Variants in PLEKHA5 observed in about 807,000 individuals in gnomAD.
PLEKHA5 encodes pleckstrin homology domain containing A5, also known as pleckstrin homology domain-containing family A member 5.
Under a neutral mutation model 181.9 loss-of-function variants are expected in PLEKHA5, and 55 were observed. The ratio of observed to expected loss-of-function variants is 0.30; its 90% CI spans 0.24 to 0.38. The LOEUF is 0.38. Ranked by LOEUF, PLEKHA5 falls within the 10% of genes least tolerant of loss-of-function variation. The pLI is 1.00. For synonymous variants in PLEKHA5, 535 were observed against 529.4 expected (o/e 1.01, Z -0.15); for missense variants, 1,432 against 1,549.5 (o/e 0.92, Z 1.27).
At chr12:19,306,674 G>C in intron 15 of PLEKHA5, 3 of 1,471,938 alleles carry the variant, frequency 2.0e-6, no homozygotes, top group Non-Finnish European at 1.9e-6. Context: ...CCGGGCGCTA[G>C]CTCTGAGCAG....
At chr12:19,372,752 CCTTTTTTCTTTTTT>C (rs1023643089) in intron 31 of PLEKHA5, 10 of 151,548 alleles carry the variant, frequency 6.6e-5, no homozygotes, top group African/African-American at 2.2e-4. Flanking sequence ...TGTGTTTAAG[CCTTTTTTCTTTTTT>C]CTTTTTTCTT....
chr12:19,330,074 C>G (rs1261758351), intron 20 of PLEKHA5, among the ~76,000 whole-genome samples: 1 of 152,024 alleles, frequency 6.6e-6, no homozygotes, highest in East Asian at 1.9e-4. Context: ...AAAGAAAATC[C>G]ACAAAAAAGC....
intron 3 of PLEKHA5, chr12:19,152,689 AACATTT>A (rs2040715695): frequency 6.6e-6 from 1 of 152,234 alleles, no homozygotes. Flanking sequence ...AAATGAATAT[AACATTT>A]GTCAGACATA....
intron 16 of PLEKHA5, 31 bp downstream of exon 16, chr12:19,314,925 T>G: frequency 5.4e-6 from 6 of 1,107,752 alleles, no homozygotes; most frequent in East Asian, 2.6e-5. Flanking sequence ...TGATACTGCT[T>G]TATCATCTGC....
At chr12:19,344,801 A>G (rs569540511) in intron 22 of PLEKHA5, among the ~76,000 whole-genome samples, 1 of 152,268 alleles carries the variant, frequency 6.6e-6, no homozygotes, top group African/African-American at 2.4e-5. Flanking sequence ...TAGAAACTGA[A>G]GACTTCATTT....
chr12:19,227,451 T>C (rs2059861285), intron 3 of PLEKHA5, among the ~76,000 whole-genome samples: 1 of 152,238 alleles, frequency 6.6e-6, no homozygotes, highest in African/African-American at 2.4e-5. Flanking sequence ...TAGTTTATTC[T>C]TTCAAGTAAA....
intron 3 of PLEKHA5, among the ~76,000 whole-genome samples, chr12:19,136,943 C>G (rs1199340744): frequency 6.6e-6 from 1 of 151,606 alleles, no homozygotes; most frequent in Non-Finnish European, 1.5e-5. Flanking sequence ...CAGATTTTCA[C>G]AATTCAAAAT....
At chr12:19,171,641 G>A (rs1282306745) in intron 3 of PLEKHA5, among the ~76,000 whole-genome samples, 2 of 152,132 alleles carry the variant, frequency 1.3e-5, no homozygotes, top group Non-Finnish European at 1.5e-5. Flanking sequence ...TTACAGGCAT[G>A]AGCCACCATG....
In PLEKHA5 at chr12:19,361,664, A is replaced by C. The variant is rs778947305; in HGVS notation, c.3566A>C (p.Lys1189Thr). 5 of 1,595,112 alleles carry C rather than the reference A, an allele frequency of 3.1e-6. No homozygotes were observed. The highest frequency in any genetic ancestry group is 2.2e-5 in the East Asian group (1 of 44,730). ...NGVNSVEMMD[K>T]ERNKDKMPED... ...GTAAATTCTGTGGAAATGATGGATA[A>C]AGAAAGAAACAAAGACAAAATGCCT... Residue 1189 changes from lysine (K) to threonine (T), a missense_variant, in exon 29 of 32, where the codon AAA (lysine) becomes ACA (threonine). By Grantham distance (78) the Lys-to-Thr change is moderately conservative (BLOSUM62 -1). Coordinates refer to ENST00000429027, the MANE Select transcript of PLEKHA5 (RefSeq NM_001256470.2).
intron 20 of PLEKHA5, among the ~76,000 whole-genome samples, chr12:19,333,811 A>G (rs547779744): frequency 4.6e-5 from 7 of 151,768 alleles, no homozygotes; most frequent in South Asian, 4.2e-4. Flanking sequence ...GGGTTTCACT[A>G]TGTTGACCAG....
intron 3 of PLEKHA5, among the ~76,000 whole-genome samples, chr12:19,211,777 A>G (rs1179952599): frequency 6.6e-6 from 1 of 152,198 alleles, no homozygotes; most frequent in Non-Finnish European, 1.5e-5. Context: ...GGTTGGTTTT[A>G]TTGACAGAAA....
chr12:19,250,035 A>G (rs1423250259), intron 3 of PLEKHA5, among the ~76,000 whole-genome samples: 2 of 152,128 alleles, frequency 1.3e-5, no homozygotes, highest in African/African-American at 4.8e-5. Flanking sequence ...CCTGGCCTCT[A>G]CCCACTAGAC....
chr12:19,226,483 G>A (rs73347015), intron 3 of PLEKHA5, among the ~76,000 whole-genome samples: 13,533 of 152,126 alleles, frequency 0.089, 786 homozygotes, highest in African/African-American at 0.17. Context: ...AGGTCATATG[G>A]CAATTTTGTG....
chr12:19,284,692 G>A (rs1592321502), intron 12 of PLEKHA5, among the ~76,000 whole-genome samples: 2 of 152,176 alleles, frequency 1.3e-5, no homozygotes, highest in East Asian at 1.9e-4. Flanking sequence ...TTTTCATAAT[G>A]CTAAAGCAGT....
At chr12:19,238,904 C>T (rs1487272512) in intron 3 of PLEKHA5, among the ~76,000 whole-genome samples, 1 of 150,914 alleles carries the variant, frequency 6.6e-6, no homozygotes, top group Non-Finnish European at 1.5e-5. Flanking sequence ...TAAAACAGAG[C>T]ACTTGTCTGT....
intron 20 of PLEKHA5, among the ~76,000 whole-genome samples, chr12:19,332,696 G>C (rs903774877): frequency 2.0e-5 from 3 of 152,146 alleles, no homozygotes; most frequent in African/African-American, 7.2e-5. Flanking sequence ...TGGAGACAAA[G>C]TCTCTTACAC....
intron 15 of PLEKHA5, among the ~76,000 whole-genome samples, chr12:19,309,771 T>C (rs2085740163): frequency 6.6e-6 from 1 of 152,018 alleles, no homozygotes; most frequent in African/African-American, 2.4e-5. Context: ...AAATCTCAAG[T>C]TGTATAAAAC....
rs2095696249 is a variant in PLEKHA5 at position 19,375,544 on chromosome 12, T to G, written c.*25T>G. The G allele has an allele frequency of 6.6e-6, 1 of 152,646 alleles. No homozygotes were observed. Among genetic ancestry groups the G allele is most frequent in the Admixed American group, 6.6e-5 (1 of 15,266 alleles). The allele number at this position is 152,646 out of a possible 1,614,324, so 9.5% of individuals were successfully genotyped here. ...CTTATTTTTCAGCTATACTGACTTC[T>G]GTTGAAACCATTCAAAGCTAAAGAC... On this transcript the variant is annotated 3_prime_UTR_variant, in exon 32 of 32. Coordinates refer to ENST00000429027, the MANE Select transcript of PLEKHA5 (RefSeq NM_001256470.2).
chr12:19,196,794 G>GT (rs1345493322), intron 3 of PLEKHA5, among the ~76,000 whole-genome samples: 1 of 123,280 alleles, frequency 8.1e-6, no homozygotes, highest in African/African-American at 3.0e-5. Flanking sequence ...TTTTTAACTT[G>GT]TTTTTTCTTT....
Sources: gnomAD v4.1 joint callset for allele counts (sites outside exome capture counted in the v4.1 genomes callset) on GRCh38, gnomAD v4.1.1 for gene constraint, MANE v1.5 for transcripts, NCBI Gene and HGNC (gene_info 2026-07-23, HGNC 2026-07-21) for gene names.